KATNIP: variants seen among roughly 807,000 people sequenced by gnomAD.
The protein encoded by KATNIP is katanin interacting protein.
KATNIP carries 126 observed loss-of-function variants against 174.0 expected under a neutral mutation model. That is an observed-to-expected ratio of 0.72 (90% confidence interval 0.63 to 0.84). KATNIP has a LOEUF of 0.84. Among genes scored for constraint, KATNIP ranks in the 40% least tolerant of loss-of-function variants. KATNIP has a pLI of 0.00. For missense variants in KATNIP, 1,958 were observed against 2,109.7 expected, an observed-to-expected ratio of 0.93 and a Z score of 1.41; for synonymous variants, 810 against 835.7, an observed-to-expected ratio of 0.97 and a Z score of 0.53.
chr16:27,666,517 A>G (rs1441536672), intron 6 of KATNIP, among the ~76,000 whole-genome samples: 1 of 152,130 alleles, frequency 6.6e-6, no homozygotes, highest in Non-Finnish European at 1.5e-5. Flanking sequence ...TCCCGGGTTC[A>G]AGCGATTCTC....
At chr16:27,750,815 G>A (rs560454533) in intron 16 of KATNIP, among the ~76,000 whole-genome samples, 3 of 137,998 alleles carry the variant, frequency 2.2e-5, no homozygotes, top group South Asian at 2.3e-4. Context: ...CTGCAGCTTC[G>A]ACCTCCTGGG....
chr16:27,770,018 G>A lies in KATNIP; in HGVS notation c.4133G>A (p.Arg1378Lys). ...RAQLLPQPAR[R>K]LDMRSLECAS... ...CAGCTGCTGCCCCAGCCGGCCAGGAGGTGAGGAGAAAGTGGGCGCCACACA... is the reference window on the plus strand; with the variant it reads ...CAGCTGCTGCCCCAGCCGGCCAGGAAGTGAGGAGAAAGTGGGCGCCACACA... The change falls in exon 21 of 28, where the codon AGG becomes AAG. Residue 1378 changes from arginine to lysine, a missense_variant and splice_region_variant. Physicochemically the swap from Arg to Lys is conservative, Grantham distance 26 (BLOSUM62 2). Transcript: ENST00000261588. 6.2e-7 allele frequency: 1 copy of A among 1,612,708 alleles called. No individual in the cohort carries two copies. Among genetic ancestry groups the A allele is most frequent in the Non-Finnish European group, 8.5e-7 (1 of 1,178,830 alleles).
chr16:27,588,131 A>G (rs1596816770), intron 2 of KATNIP, among the ~76,000 whole-genome samples: 1 of 150,412 alleles, frequency 6.6e-6, no homozygotes, highest in East Asian at 2.0e-4. Flanking sequence ...AACTCAAGCG[A>G]CCCTCCTGCC....
rs1025206644 is a variant in KATNIP at position 27,615,564 on chromosome 16, C to T, written c.64-2861C>T. ...AGAGACGGGGTTTCACCATGTTAGC[C>T]GGGATGGTCTCAATCTCCTGACCTT... On this transcript the variant is annotated intron_variant, in intron 2 of 27. Transcript: ENST00000261588. Among the ~76,000 whole-genome samples the T allele has an allele frequency of 1.3e-4, 20 of 152,048 alleles. No homozygotes were observed. In the East Asian group the frequency reaches 1.5e-3, roughly 12 times the overall value.
chr16:27,766,523 C>T (rs1359035163), intron 20 of KATNIP, 49 bp downstream of exon 20: 6 of 1,558,730 alleles, frequency 3.8e-6, no homozygotes, highest in Non-Finnish European at 4.4e-6. Context: ...AGGGAAGCAG[C>T]ACCTTGATGA....
At chr16:27,566,355 A>G (rs1326235815) in intron 1 of KATNIP, among the ~76,000 whole-genome samples, 1 of 152,136 alleles carries the variant, frequency 6.6e-6, no homozygotes, top group Non-Finnish European at 1.5e-5. Context: ...CCTGGCCAAC[A>G]TGGCAAAACC....
intron 10 of KATNIP, among the ~76,000 whole-genome samples, chr16:27,700,744 G>A (rs530410487): frequency 9.0e-4 from 137 of 152,168 alleles, no homozygotes; most frequent in Non-Finnish European, 1.6e-3. Flanking sequence ...GTGAGGCGGC[G>A]AAGTGGGGAC....
At chr16:27,739,988 A>G in intron 14 of KATNIP, 53 bp from the exon 15 acceptor site, 3 of 1,533,840 alleles carry the variant, frequency 2.0e-6, no homozygotes, top group Middle Eastern at 1.8e-4. Flanking sequence ...CCAAAATTTC[A>G]TACATCAGTC....
chr16:27,715,129 G>T (rs1303855767), intron 13 of KATNIP, among the ~76,000 whole-genome samples: 1 of 152,224 alleles, frequency 6.6e-6, no homozygotes, highest in Non-Finnish European at 1.5e-5. Flanking sequence ...GCATCCATAA[G>T]TAAACCCATG....
At chr16:27,641,918 G>GA (rs1321960677) in intron 5 of KATNIP, among the ~76,000 whole-genome samples, 1 of 152,252 alleles carries the variant, frequency 6.6e-6, no homozygotes, top group African/African-American at 2.4e-5. Flanking sequence ...CGGTGCTGGT[G>GA]AGTCAGGCAG....
chr16:27,624,183 G>C (rs898777230), intron 3 of KATNIP, among the ~76,000 whole-genome samples: 8 of 150,884 alleles, frequency 5.3e-5, no homozygotes, highest in African/African-American at 2.0e-4. Flanking sequence ...AAGTTTTCCT[G>C]TAAGTTTCCC....
intron 1 of KATNIP, among the ~76,000 whole-genome samples, chr16:27,566,895 CT>C (rs372796423): frequency 3.3e-5 from 5 of 151,732 alleles, no homozygotes; most frequent in African/African-American, 1.2e-4. Flanking sequence ...CTTCCTTTAT[CT>C]TTTTTTTTCT....
chr16:27,740,505 G>A lies in KATNIP; in HGVS notation c.2208G>A (p.Leu736=). 6.2e-7 allele frequency: 1 copy of A among 1,614,078 alleles called. No homozygotes were observed. The highest frequency in any genetic ancestry group is 8.5e-7 in the Non-Finnish European group (1 of 1,180,016). Residue 736 remains leucine (L), a synonymous_variant, in exon 15 of 28, where the codon CTG becomes CTA. Coordinates refer to ENST00000261588, the MANE Select transcript of KATNIP (RefSeq NM_015202.5). ...AGGAGCCCTCTCTCATCCAACAACT[G>A]GAAAACCTCATGGGCAGAAAAATCT... ...VHEEPSLIQQ[L]ENLMGRKICE...
intron 16 of KATNIP, 37 bp downstream of exon 16, chr16:27,750,343 A>C (rs369203516): frequency 6.4e-7 from 1 of 1,569,162 alleles, no homozygotes; most frequent in African/African-American, 1.4e-5. Context: ...CAGAGCCCCT[A>C]TCTGTGACTT....
At chr16:27,609,680 G>A (rs13335378) in intron 2 of KATNIP, among the ~76,000 whole-genome samples, 4,797 of 150,184 alleles carry the variant, frequency 0.032, 256 homozygotes, top group African/African-American at 0.11. Context: ...GTGAGCCACC[G>A]CGCCCTGCCA....
rs758535987 is a variant in KATNIP, at chr16:27,698,411, G to T, written c.1024G>T (p.Ala342Ser). ...EAEYPEEDASAVLQAIQVENA... is the reference protein window; with the variant it reads ...EAEYPEEDASSVLQAIQVENA... ...TGAGTACCCAGAGGAAGATGCCTCT[G>T]CTGTGCTCCAAGCCATCCAGGTGGA... The change falls in exon 9 of 28, where the codon GCT becomes TCT. Residue 342 changes from alanine to serine, a missense_variant. Physicochemically the swap from Ala to Ser is moderately conservative, Grantham distance 99. This residue lies in a region of KATNIP where 1,557 missense variants were observed against 1,617.8 expected (regional missense o/e 0.96). Coordinates refer to ENST00000261588, the MANE Select transcript of KATNIP (RefSeq NM_015202.5). 2 of 1,613,758 alleles carry T rather than the reference G, an allele frequency of 1.2e-6. No homozygotes were observed. Among genetic ancestry groups the T allele is most frequent in the African/African-American group, 1.3e-5 (1 of 75,066 alleles).
At chr16:27,669,506 G>T (rs1597119439) in intron 6 of KATNIP, among the ~76,000 whole-genome samples, 1 of 152,304 alleles carries the variant, frequency 6.6e-6, no homozygotes, top group East Asian at 1.9e-4. Flanking sequence ...TTTTTTCAGA[G>T]AAATTTCTGG....
chr16:27,572,398 C>CAA (rs1555510790), intron 1 of KATNIP, among the ~76,000 whole-genome samples: 10 of 151,034 alleles, frequency 6.6e-5, no homozygotes, highest in African/African-American at 1.5e-4. Context: ...CACACACACA[C>CAA]AATGAAGACA....
intron 2 of KATNIP, among the ~76,000 whole-genome samples, chr16:27,602,301 C>G (rs569802202): frequency 1.3e-5 from 2 of 152,170 alleles, no homozygotes; most frequent in African/African-American, 4.8e-5. Flanking sequence ...GCCCCAAGCC[C>G]TCCAGTAGCT....
Sources: gnomAD v4.1 joint callset for allele counts (sites outside exome capture counted in the v4.1 genomes callset) on GRCh38, gnomAD v4.1.1 for gene constraint, gnomAD v4.1.1 regional missense constraint, MANE v1.5 for transcripts, NCBI Gene and HGNC (gene_info 2026-07-23, HGNC 2026-07-21) for gene names.